The following SNTG1 variants were observed in gnomAD, a reference collection of about 807,000 sequenced individuals.
SNTG1 encodes syntrophin gamma 1.
A neutral mutation model predicts 74.7 loss-of-function variants in SNTG1; 39 were observed. That is an observed-to-expected ratio of 0.52 (90% confidence interval 0.40 to 0.68). SNTG1 has a LOEUF of 0.68. Ranked by LOEUF, SNTG1 falls within the 30% of genes least tolerant of loss-of-function variation. The pLI is 0.00. For missense variants in SNTG1, 685 were observed against 609.5 expected, an observed-to-expected ratio of 1.12 and a Z score of -1.30; for synonymous variants, 254 against 217.1, an observed-to-expected ratio of 1.17 and a Z score of -1.49.
intron 2 of SNTG1, among the ~76,000 whole-genome samples, chr8:50,258,290 A>G (rs1393685521): frequency 6.6e-6 from 1 of 152,236 alleles, no homozygotes; most frequent in Non-Finnish European, 1.5e-5. Flanking sequence ...AGTAGGAAAT[A>G]TTATATTACT....
intron 2 of SNTG1, among the ~76,000 whole-genome samples, chr8:50,379,402 T>C (rs964700711): frequency 2.6e-5 from 4 of 152,158 alleles, no homozygotes; most frequent in Admixed American, 2.6e-4. Flanking sequence ...GTTGGGCAGC[T>C]GCAGTTGTGC....
chr8:50,522,086 C>T (rs1328169834), intron 9 of SNTG1, among the ~76,000 whole-genome samples: 1 of 152,140 alleles, frequency 6.6e-6, no homozygotes, highest in Non-Finnish European at 1.5e-5. Flanking sequence ...TCAGAGTAAT[C>T]CCCATCTATG....
intron 2 of SNTG1, among the ~76,000 whole-genome samples, chr8:50,290,677 G>T (rs1004713525): frequency 1.1e-4 from 16 of 151,996 alleles, no homozygotes; most frequent in African/African-American, 3.9e-4. Context: ...TCTTCTTGAG[G>T]ACAAAATCTA....
intron 1 of SNTG1, among the ~76,000 whole-genome samples, chr8:50,046,630 A>G: frequency 6.6e-6 from 1 of 152,206 alleles, no homozygotes. Flanking sequence ...CCTGAATTCA[A>G]TTAAATGAAC....
intron 1 of SNTG1, 50 bp downstream of exon 1, chr8:49,912,281 C>T (rs1805643897): frequency 6.6e-6 from 1 of 152,150 alleles, no homozygotes; most frequent in Non-Finnish European, 1.5e-5. Context: ...AATGACTTGT[C>T]TTATGGTTTA....
intron 13 of SNTG1, among the ~76,000 whole-genome samples, chr8:50,599,644 G>A (rs1054313284): frequency 3.3e-5 from 5 of 151,858 alleles, no homozygotes; most frequent in African/African-American, 1.2e-4. Context: ...GTTCACTGTT[G>A]GCATTTAGAA....
intron 11 of SNTG1, among the ~76,000 whole-genome samples, chr8:50,538,332 C>G (rs1050311958): frequency 6.6e-6 from 1 of 152,086 alleles, no homozygotes; most frequent in Non-Finnish European, 1.5e-5. Context: ...TTATACTTAA[C>G]CCAAAGTATA....
At chr8:50,684,859 G>T (rs2095345753) in intron 15 of SNTG1, among the ~76,000 whole-genome samples, 1 of 150,254 alleles carries the variant, frequency 6.7e-6, no homozygotes, top group Non-Finnish European at 1.5e-5. Context: ...CTACCATTAG[G>T]CGTATCTCCC....
intron 1 of SNTG1, among the ~76,000 whole-genome samples, chr8:50,039,454 CAAAAAAAAAAAAAAAA>C (rs568678808): frequency 1.3e-4 from 6 of 46,144 alleles, no homozygotes; most frequent in African/African-American, 4.3e-4. Flanking sequence ...GACTCCGTCT[CAAAAAAAAAAAAAAAA>C]AAAAAAAAAA....
At chr8:50,457,295 G>A (rs888096783) in intron 8 of SNTG1, among the ~76,000 whole-genome samples, 4 of 152,134 alleles carry the variant, frequency 2.6e-5, no homozygotes, top group African/African-American at 9.7e-5. Context: ...CTCTAATGGG[G>A]CTAACTATGG....
intron 2 of SNTG1, among the ~76,000 whole-genome samples, chr8:50,335,896 GA>G (rs1367940786): frequency 6.8e-6 from 1 of 147,890 alleles, no homozygotes; most frequent in African/African-American, 2.5e-5. Flanking sequence ...TCACTTGGGG[GA>G]AACAATTTCT....
intron 8 of SNTG1, among the ~76,000 whole-genome samples, chr8:50,475,551 G>A (rs1022274280): frequency 1.3e-5 from 2 of 152,010 alleles, no homozygotes; most frequent in African/African-American, 2.4e-5. Context: ...GTGTTCCTTC[G>A]CATGCTATAG....
At chr8:50,262,544 G>T (rs928815463) in intron 2 of SNTG1, among the ~76,000 whole-genome samples, 5 of 152,160 alleles carry the variant, frequency 3.3e-5, no homozygotes, top group South Asian at 4.2e-4. Flanking sequence ...GAGTAGCTGG[G>T]ACTACAGGCA....
chr8:50,770,650 ACTCATGTTAAAATTTGATT>A (rs775768347), intron 18 of SNTG1, among the ~76,000 whole-genome samples: 2 of 151,728 alleles, frequency 1.3e-5, no homozygotes. Context: ...CCCCTCTGAA[ACTCATGTTAAAATTTGATT>A]CTCAATGTGA....
At chr8:50,590,115 ATAAG>A (rs1269440699) in intron 12 of SNTG1, among the ~76,000 whole-genome samples, 1 of 152,194 alleles carries the variant, frequency 6.6e-6, no homozygotes, top group East Asian at 1.9e-4. Context: ...ACAAAATAAA[ATAAG>A]TCAGTGGCAT....
At chr8:50,415,104 A>C (rs1256321494) in intron 4 of SNTG1, among the ~76,000 whole-genome samples, 1 of 152,196 alleles carries the variant, frequency 6.6e-6, no homozygotes, top group Non-Finnish European at 1.5e-5. Context: ...TCTGTGTAAA[A>C]TTAGAAAACA....
chr8:50,053,054 G>A (rs1225935071), intron 1 of SNTG1, among the ~76,000 whole-genome samples: 2 of 152,058 alleles, frequency 1.3e-5, no homozygotes, highest in Non-Finnish European at 2.9e-5. Flanking sequence ...TAACTCCACT[G>A]CCATGATAAA....
chr8:50,565,928 GA>G (rs1249466943), intron 12 of SNTG1, among the ~76,000 whole-genome samples: 2 of 151,462 alleles, frequency 1.3e-5, no homozygotes, highest in African/African-American at 2.4e-5. Context: ...ACCTATTCAG[GA>G]AAAAAAGTAA....
At chr8:50,607,733 A>G (rs1366739235) in intron 13 of SNTG1, among the ~76,000 whole-genome samples, 1 of 151,036 alleles carries the variant, frequency 6.6e-6, no homozygotes, top group Non-Finnish European at 1.5e-5. Context: ...ATTTATGGAT[A>G]TTTATTATTT....
Sources: gnomAD v4.1 joint callset for allele counts (sites outside exome capture counted in the v4.1 genomes callset) on GRCh38, gnomAD v4.1.1 for gene constraint, MANE v1.5 for transcripts, NCBI Gene and HGNC (gene_info 2026-07-23, HGNC 2026-07-21) for gene names.